Variants in FARS2 observed in about 807,000 individuals in gnomAD.
The protein encoded by FARS2 is phenylalanine--tRNA ligase, mitochondrial.
In FARS2, 40 loss-of-function variants were observed where a neutral mutation model predicts 46.4. That is an observed-to-expected ratio of 0.86 (90% confidence interval 0.67 to 1.12). The LOEUF (loss-of-function observed/expected upper bound fraction) is 1.12. Ranked by LOEUF, FARS2 falls within the 50% of genes most tolerant of loss-of-function variation. The pLI is 0.00. For missense variants in FARS2, 513 were observed against 567.9 expected, an observed-to-expected ratio of 0.90 and a Z score of 0.98; for synonymous variants, 234 against 214.9, an observed-to-expected ratio of 1.09 and a Z score of -0.78.
At chr6:5,755,393 T>C (rs6920448) in intron 6 of FARS2, among the ~76,000 whole-genome samples, 30,363 of 149,746 alleles carry the variant, frequency 0.2, 4,393 homozygotes, top group African/African-American at 0.41. Flanking sequence ...CCTGGGTCCA[T>C]GTGTTCTCAT....
chr6:5,358,382 C>A (rs1459090121), intron 1 of FARS2, among the ~76,000 whole-genome samples: 1 of 151,788 alleles, frequency 6.6e-6, no homozygotes, highest in Non-Finnish European at 1.5e-5. Context: ...CAACATTCCC[C>A]AAATATGGAA....
chr6:5,280,372 G>A (rs1057303315), intron 1 of FARS2, among the ~76,000 whole-genome samples: 3 of 152,232 alleles, frequency 2.0e-5, no homozygotes, highest in Admixed American at 6.5e-5. Context: ...CCACTCAGAA[G>A]TTGGTGCTTC....
At chr6:5,547,666 G>A (rs931113812) in intron 5 of FARS2, among the ~76,000 whole-genome samples, 2 of 152,180 alleles carry the variant, frequency 1.3e-5, no homozygotes, top group African/African-American at 4.8e-5. Context: ...GAAATATTAT[G>A]AAGGAGAATT....
At chr6:5,296,369 C>T (rs1253959955) in intron 1 of FARS2, among the ~76,000 whole-genome samples, 1 of 152,074 alleles carries the variant, frequency 6.6e-6, no homozygotes, top group Non-Finnish European at 1.5e-5. Context: ...TCTCGATCTC[C>T]TGACCTCGTG....
rs1775134258 is a variant in FARS2, at chr6:5,610,768, A to G, written c.1066-2401A>G. 2.0e-5 allele frequency among the ~76,000 whole-genome samples: 3 copies of G among 152,226 alleles called. No individual in the cohort carries two copies. In the South Asian group the frequency reaches 6.2e-4, roughly 32 times the overall value. The stretch of plus-strand genomic sequence containing the variant: ...AGGTCCCTTTGGATTCTAAAATTCC[A>G]CAATTCTATGGTTGTGGGTTATCAA... On this transcript the variant is annotated intron_variant, in intron 5 of 6. Transcript: ENST00000274680.
intron 4 of FARS2, among the ~76,000 whole-genome samples, chr6:5,456,744 A>AAAAGAAAG (rs1764902340): frequency 1.3e-5 from 2 of 148,980 alleles, no homozygotes; most frequent in African/African-American, 5.1e-5. Flanking sequence ...AAAAAAAAAA[A>AAAAGAAAG]AAAAGAGATG....
chr6:5,540,986 G>T (rs931884657), intron 4 of FARS2, among the ~76,000 whole-genome samples: 3 of 152,176 alleles, frequency 2.0e-5, no homozygotes, highest in Non-Finnish European at 2.9e-5. Flanking sequence ...TGGTGCTGTT[G>T]TTAGGGGTTA....
intron 6 of FARS2, among the ~76,000 whole-genome samples, chr6:5,669,119 T>G (rs971475368): frequency 2.6e-5 from 4 of 152,174 alleles, no homozygotes; most frequent in African/African-American, 9.7e-5. Flanking sequence ...CCTAGTGCAG[T>G]CCCTGAAAAA....
chr6:5,254,416 T>C, the FARS2 span, among the ~76,000 whole-genome samples: 4 of 152,214 alleles, frequency 2.6e-5, no homozygotes, highest in Admixed American at 1.3e-4. Flanking sequence ...TTATTTCTTG[T>C]TGGCAAAAAC....
At chr6:5,762,538 A>G (rs1762529204) in intron 6 of FARS2, among the ~76,000 whole-genome samples, 1 of 152,246 alleles carries the variant, frequency 6.6e-6, no homozygotes, top group Non-Finnish European at 1.5e-5. Context: ...ACAGGGAGTG[A>G]TGGGAATAAA....
chr6:5,625,571 G>A (rs1055294289), intron 6 of FARS2, among the ~76,000 whole-genome samples: 1 of 152,168 alleles, frequency 6.6e-6, no homozygotes, highest in East Asian at 1.9e-4. Flanking sequence ...AAGATCCTGG[G>A]TGTCTGTCTT....
chr6:5,751,673 G>C (rs1473044611), intron 6 of FARS2, among the ~76,000 whole-genome samples: 1 of 152,098 alleles, frequency 6.6e-6, no homozygotes, highest in African/African-American at 2.4e-5. Flanking sequence ...CCCCAACCCT[G>C]GGCTGTGCAC....
intron 5 of FARS2, among the ~76,000 whole-genome samples, chr6:5,547,808 C>A (rs910289938): frequency 6.6e-6 from 1 of 152,244 alleles, no homozygotes; most frequent in Non-Finnish European, 1.5e-5. Context: ...GCTAGCTCTT[C>A]TGCCTACTCA....
chr6:5,610,311 T>A (rs9328322), intron 5 of FARS2: 119,041 of 296,526 alleles, frequency 0.4, 18,987 homozygotes, highest in Non-Finnish European at 0.47. Flanking sequence ...CAATTCTTTT[T>A]AAAAAAAAAA....
intron 1 of FARS2, among the ~76,000 whole-genome samples, chr6:5,288,583 TGAATATA>T: frequency 6.6e-6 from 1 of 152,326 alleles, no homozygotes; most frequent in South Asian, 2.1e-4. Context: ...TCTGTGGTTT[TGAATATA>T]TGTGGTTGGA....
At chr6:5,349,302 T>A (rs1336595925) in intron 1 of FARS2, among the ~76,000 whole-genome samples, 1 of 152,196 alleles carries the variant, frequency 6.6e-6, no homozygotes, top group Admixed American at 6.5e-5. Flanking sequence ...ATGTTGAAGA[T>A]TACAAAAACC....
At chr6:5,419,029 A>C (rs1431697815) in intron 3 of FARS2, among the ~76,000 whole-genome samples, 1 of 151,228 alleles carries the variant, frequency 6.6e-6, no homozygotes, top group Admixed American at 6.6e-5. Flanking sequence ...ATTACATCTC[A>C]TTCCCCTCTT....
intron 5 of FARS2, among the ~76,000 whole-genome samples, chr6:5,548,705 C>A (rs1395286259): frequency 6.6e-6 from 1 of 152,164 alleles, no homozygotes; most frequent in East Asian, 1.9e-4. Context: ...AGTGTACTTA[C>A]AACAATCTTT....
intron 6 of FARS2, among the ~76,000 whole-genome samples, chr6:5,678,856 C>G (rs1013622631): frequency 6.6e-5 from 10 of 152,186 alleles, no homozygotes; most frequent in Admixed American, 6.5e-4. Context: ...GGAATGAGCT[C>G]TGTAAATTTC....
Sources: allele counts gnomAD v4.1 joint callset (sites outside exome capture counted in the v4.1 genomes callset), GRCh38; gene constraint gnomAD v4.1.1; transcripts MANE v1.5; gene names NCBI Gene and HGNC (gene_info 2026-07-23, HGNC 2026-07-21).